Variants in VCAM1 observed in about 807,000 individuals in gnomAD.
The protein encoded by VCAM1 is vascular cell adhesion protein 1.
VCAM1 carries 41 observed loss-of-function variants against 63.8 expected under a neutral mutation model. The ratio of observed to expected loss-of-function variants is 0.64; its 90% CI spans 0.50 to 0.83. The LOEUF is 0.83. Among genes scored for constraint, VCAM1 ranks in the 40% least tolerant of loss-of-function variants. VCAM1 has a pLI of 0.00. For missense variants in VCAM1, 798 were observed against 875.5 expected (o/e 0.91, Z 1.12); for synonymous variants, 338 against 320.7 (o/e 1.05, Z -0.58).
At chr1:100,728,868 C>T (rs1660277709) in intron 4 of VCAM1, among the ~76,000 whole-genome samples, 1 of 151,900 alleles carries the variant, frequency 6.6e-6, no homozygotes, top group South Asian at 2.1e-4. Flanking sequence ...AGCAACCTCT[C>T]TTGACAAATT....
In VCAM1 at chr1:100,734,549, AAAG is replaced by A; in HGVS notation, c.1844_1846del (p.Glu615del). ...TACAGCTTTTCCTTCTGAGAGTGTCAAAGAAGGAGACACTGTCATCATCTCTTG... is the reference window on the plus strand; with the variant it reads ...TACAGCTTTTCCTTCTGAGAGTGTCAAAGGAGACACTGTCATCATCTCTTG... On this transcript the variant is annotated inframe_deletion, in exon 8 of 9. Transcript: ENST00000294728. The A allele has an allele frequency of 4.3e-6, 7 of 1,613,770 alleles. No homozygotes were observed. Among genetic ancestry groups the A allele is most frequent in the Non-Finnish European group, 5.9e-6 (7 of 1,179,806 alleles).
intron 8 of VCAM1, chr1:100,735,613 T>C (rs1660622369): frequency 6.6e-6 from 1 of 152,150 alleles, no homozygotes; most frequent in African/African-American, 2.4e-5. Flanking sequence ...GCAGAGAAAA[T>C]TTGAATCTAC....
intron 4 of VCAM1, among the ~76,000 whole-genome samples, chr1:100,726,972 G>A (rs1259567625): frequency 6.6e-6 from 1 of 151,580 alleles, no homozygotes; most frequent in Admixed American, 6.6e-5. Flanking sequence ...GACCAGCCTC[G>A]GCAATATAGT....
intron 2 of VCAM1, among the ~76,000 whole-genome samples, chr1:100,721,684 T>G (rs1189295071): frequency 1.3e-5 from 2 of 152,168 alleles, no homozygotes; most frequent in Admixed American, 6.6e-5. Flanking sequence ...TGCTCAAGCT[T>G]CCCAAGAAAC....
At chr1:100,738,015 TTC>T in intron 8 of VCAM1, 106 bp from the exon 9 acceptor site, 3 of 1,257,354 alleles carry the variant, frequency 2.4e-6, no homozygotes, top group Non-Finnish European at 3.3e-6. Context: ...TTTGATTCCC[TTC>T]TCTTTGGAGA....
At chr1:100,730,326 G>A (rs1260253674) in intron 5 of VCAM1, among the ~76,000 whole-genome samples, 2 of 152,046 alleles carry the variant, frequency 1.3e-5, no homozygotes, top group Non-Finnish European at 2.9e-5. Flanking sequence ...ATTCCCAGCA[G>A]AAATGAGAAC....
At position 100,730,254 on chromosome 1, in the gene VCAM1, A is replaced by G. The variant is rs3917013; in HGVS notation, c.1204+872A>G. ...TAAAGGGATTTGGGTCTCTCCAAAGAAAGATAAATTTTATTTGCATTATCA... is the reference window on the plus strand; with the variant it reads ...TAAAGGGATTTGGGTCTCTCCAAAGGAAGATAAATTTTATTTGCATTATCA... On this transcript the variant is annotated intron_variant, in intron 5 of 8. Transcript: ENST00000294728. Among the ~76,000 whole-genome samples, 1,142 of 152,260 alleles carry G rather than the reference A, an allele frequency of 7.5e-3. 8 individuals carry two copies. Among genetic ancestry groups the G allele is most frequent in the Admixed American group, 0.019 (284 of 15,276 alleles).
chr1:100,736,952 A>C (rs1279565383), intron 8 of VCAM1: 1 of 152,208 alleles, frequency 6.6e-6, no homozygotes, highest in Non-Finnish European at 1.5e-5. Context: ...GTGAAACTTA[A>C]TACTTGTGTG....
In VCAM1 at chr1:100,732,623, T is replaced by A. The variant is rs1660503078; in HGVS notation, c.1731T>A (p.Tyr577Ter). The A allele has an allele frequency of 6.2e-7, 1 of 1,611,792 alleles. No homozygotes were observed. Among genetic ancestry groups the A allele is most frequent in the Non-Finnish European group, 8.5e-7 (1 of 1,179,264 alleles). ...ISTKMEDSGVYLCEGINQAGR... is the reference protein window; with the variant it reads ...ISTKMEDSGV ...CAAAAATGGAAGATTCTGGGGTTTA[T>A]TTATGTGAAGGAATTAACCAGGCTG... The change falls in exon 7 of 9, where the codon TAT (tyrosine) becomes TAA (stop). Residue 577 changes from tyrosine to a stop codon, truncating the protein, a stop_gained. Coordinates refer to ENST00000294728, the MANE Select transcript of VCAM1 (RefSeq NM_001078.4). LOFTEE classifies it high-confidence loss of function.
intron 4 of VCAM1, among the ~76,000 whole-genome samples, chr1:100,726,386 A>G (rs1198074353): frequency 1.3e-5 from 2 of 152,094 alleles, no homozygotes; most frequent in Admixed American, 6.6e-5. Flanking sequence ...CTCATTTTCT[A>G]TAACTTCCAT....
chr1:100,727,138 T>C (rs1467575845), intron 4 of VCAM1, among the ~76,000 whole-genome samples: 1 of 151,758 alleles, frequency 6.6e-6, no homozygotes, highest in Non-Finnish European at 1.5e-5. Flanking sequence ...AAATATTTGC[T>C]GAATTAATGA....
intron 7 of VCAM1, among the ~76,000 whole-genome samples, chr1:100,733,000 G>A (rs1484789826): frequency 3.3e-5 from 5 of 152,200 alleles, no homozygotes; most frequent in African/African-American, 1.2e-4. Flanking sequence ...AGGAATATCT[G>A]CATTTGGGAT....
rs372793942 is a variant in VCAM1 at position 100,726,357 on chromosome 1, T to G, written c.928+1467T>G. Among the ~76,000 whole-genome samples the G allele has an allele frequency of 5.9e-5, 9 of 152,236 alleles. No individual in the cohort carries two copies. In the East Asian group the frequency reaches 1.2e-3, roughly 20 times the overall value. Reference sequence around the variant, plus strand: ...CTTATGCACTGCTCCCAGGGTTTATTACCTTAAACAAAAAGGTGCTCATTT... The same window carrying G: ...CTTATGCACTGCTCCCAGGGTTTATGACCTTAAACAAAAAGGTGCTCATTT... On this transcript the variant is annotated intron_variant, in intron 4 of 8. Transcript: ENST00000294728.
At chr1:100,727,058 T>TGTGTGTGTGTGTGTGTGTGTGTGA (rs1360037475) in intron 4 of VCAM1, among the ~76,000 whole-genome samples, 1 of 151,840 alleles carries the variant, frequency 6.6e-6, no homozygotes, top group South Asian at 2.1e-4. Flanking sequence ...TGTGTGTGTG[T>TGTGTGTGTGTGTGTGTGTGTGTGA]GTGTGTGTGT....
At chr1:100,727,783 G>T (rs1571457224) in intron 4 of VCAM1, among the ~76,000 whole-genome samples, 1 of 151,934 alleles carries the variant, frequency 6.6e-6, no homozygotes, top group African/African-American at 2.4e-5. Flanking sequence ...CAGAAGCTCT[G>T]GTTGTTTTTG....
chr1:100,719,951 A>G, intron 1 of VCAM1, 27 bp downstream of exon 1: 1 of 1,602,608 alleles, frequency 6.2e-7, no homozygotes, highest in South Asian at 1.1e-5. Flanking sequence ...CATCTGTTTC[A>G]AATGTTAGCA....
At chr1:100,720,378 T>A (rs1659916327) in intron 1 of VCAM1, 98 bp from the exon 2 acceptor site, 1 of 1,448,228 alleles carries the variant, frequency 6.9e-7, no homozygotes, top group African/African-American at 1.4e-5. Context: ...AGGAAAGAGA[T>A]CAGTCTGATC....
chr1:100,731,112 T>A lies in VCAM1; in HGVS notation c.1205-86T>A. 2.2e-6 allele frequency: 3 copies of A among 1,365,742 alleles called. No individual in the cohort carries two copies. The allele number at this position is 1,365,742 out of a possible 1,614,324, so 84.6% of individuals were successfully genotyped here. On this transcript the variant is annotated intron_variant, in intron 5 of 8. Transcript: ENST00000294728. This position sits in a 1 kb window ranked among gnomAD's most constrained non-coding sequence, Gnocchi z 4.2. Reference sequence around the variant, plus strand: ...TATCCCAGGTGACTTAAAGCTGTCATTTTTAGGCCTTTACATTTAATAAAG... The same window carrying A: ...TATCCCAGGTGACTTAAAGCTGTCAATTTTAGGCCTTTACATTTAATAAAG...
intron 8 of VCAM1, 139 bp downstream of exon 8, chr1:100,734,907 C>T: frequency 9.4e-7 from 1 of 1,065,646 alleles, no homozygotes; most frequent in Non-Finnish European, 1.3e-6. Flanking sequence ...AAAAATCAAG[C>T]ACAGCTGCTT....
Sources: gnomAD v4.1 joint callset for allele counts (sites outside exome capture counted in the v4.1 genomes callset) on GRCh38, gnomAD v4.1.1 for gene constraint, Gnocchi (gnomAD v3.1) non-coding constraint, MANE v1.5 for transcripts, NCBI Gene and HGNC (gene_info 2026-07-23, HGNC 2026-07-21) for gene names.